Variants in GLG1 observed in about 807,000 individuals in gnomAD.
GLG1 encodes Golgi apparatus protein 1.
GLG1 carries 38 observed loss-of-function variants against 160.5 expected under a neutral mutation model. The ratio of observed to expected loss-of-function variants is 0.24; its 90% CI spans 0.18 to 0.31. The LOEUF (loss-of-function observed/expected upper bound fraction) is 0.31. GLG1 is among the 10% of genes least tolerant of loss of function. GLG1 has a pLI of 1.00. For synonymous variants in GLG1, 644 were observed against 543.4 expected (o/e 1.19, Z -2.57); for missense variants, 1,373 against 1,505.2 (o/e 0.91, Z 1.45).
chr16:74,587,736 C>T (rs769498563), intron 1 of GLG1, among the ~76,000 whole-genome samples: 2 of 152,070 alleles, frequency 1.3e-5, no homozygotes, highest in African/African-American at 2.4e-5. Context: ...CATTGTGGCA[C>T]GTGCCTGTAG....
chr16:74,525,324 T>A (rs922767020), intron 2 of GLG1, among the ~76,000 whole-genome samples: 1 of 152,222 alleles, frequency 6.6e-6, no homozygotes, highest in Non-Finnish European at 1.5e-5. Flanking sequence ...CACCCATCCT[T>A]CCTAATGAGC....
intron 24 of GLG1, among the ~76,000 whole-genome samples, 170 bp from the exon 25 acceptor site, chr16:74,456,925 T>C (rs1425767206): frequency 1.3e-5 from 2 of 152,086 alleles, no homozygotes; most frequent in South Asian, 2.1e-4. Context: ...TGGAGAGAAA[T>C]GATATGTAAC....
At chr16:74,484,234 T>C (rs928939032) in intron 9 of GLG1, among the ~76,000 whole-genome samples, 11 of 152,202 alleles carry the variant, frequency 7.2e-5, no homozygotes, top group Non-Finnish European at 1.3e-4. Context: ...GAGATAAACA[T>C]GGACTATACT....
chr16:74,524,940 G>T (rs2017289133), intron 2 of GLG1, among the ~76,000 whole-genome samples: 1 of 152,066 alleles, frequency 6.6e-6, no homozygotes, highest in Non-Finnish European at 1.5e-5. Context: ...GATCTTTTGA[G>T]TCCAGTTATT....
In GLG1 at chr16:74,606,840, A is replaced by G. The variant is rs1958581594; in HGVS notation, c.255T>C (p.Pro85=). ...CCGGGAAAGGCGGCTGCGGCGGCTG[A>G]GGCTGCTGTTGCTGTTGCTGCTGCT... The part of the protein sequence containing the change: ...QQQQQQQQQQ[P]QPPQPPFPAG... Residue 85 remains proline, a synonymous_variant, in exon 1 of 26, where the codon CCT becomes CCC. Coordinates refer to ENST00000422840, the MANE Select transcript of GLG1 (RefSeq NM_001145667.2). 6.3e-7 allele frequency: 1 copy of G among 1,598,508 alleles called. No individual in the cohort carries two copies. Among genetic ancestry groups the G allele is most frequent in the Non-Finnish European group, 8.5e-7 (1 of 1,172,846 alleles).
chr16:74,483,102 G>T lies in GLG1; in HGVS notation c.1594C>A (p.His532Asn). The T allele has an allele frequency of 6.2e-7, 1 of 1,603,910 alleles. No homozygotes were observed. ...TCTACCATCTTCTCTGTGTATAAAT[G>T]TTCCATCAGGCACGACAAGATCCTA... ...DPMILSCLME[H>N]LYTEKMVEDC... Residue 532 changes from histidine to asparagine, a missense_variant, in exon 10 of 26, where the codon CAT becomes AAT. His to Asn is a moderately conservative substitution (Grantham distance 68). Transcript: ENST00000422840.
chr16:74,555,631 G>C (rs543422181), intron 1 of GLG1, among the ~76,000 whole-genome samples: 9 of 152,024 alleles, frequency 5.9e-5, no homozygotes, highest in Admixed American at 5.9e-4. Flanking sequence ...CAAGGCTACA[G>C]TGAGCTGTGA....
intron 5 of GLG1, among the ~76,000 whole-genome samples, chr16:74,496,210 G>A (rs2016180945): frequency 6.6e-6 from 1 of 152,028 alleles, no homozygotes; most frequent in Admixed American, 6.6e-5. Flanking sequence ...GGAGGCTGCA[G>A]TGAGCCATGA....
At chr16:74,497,811 T>C (rs1188057021) in intron 4 of GLG1, among the ~76,000 whole-genome samples, 1 of 152,204 alleles carries the variant, frequency 6.6e-6, no homozygotes, top group Non-Finnish European at 1.5e-5. Flanking sequence ...TCTTGCTCCT[T>C]TCCCTACTCT....
intron 1 of GLG1, among the ~76,000 whole-genome samples, chr16:74,558,887 T>A (rs2018426370): frequency 6.6e-6 from 1 of 152,208 alleles, no homozygotes; most frequent in African/African-American, 2.4e-5. Flanking sequence ...ATCTTCTTTT[T>A]ACTTTTTATA....
At chr16:74,454,701 T>A (rs868850565) in intron 25 of GLG1, among the ~76,000 whole-genome samples, 36 of 131,532 alleles carry the variant, frequency 2.7e-4, no homozygotes, top group South Asian at 2.5e-3. Context: ...AAAAAAAAAA[T>A]TTTTTTTTTT....
chr16:74,573,801 T>C (rs916706778), intron 1 of GLG1, among the ~76,000 whole-genome samples: 3 of 150,710 alleles, frequency 2.0e-5, no homozygotes, highest in African/African-American at 7.3e-5. Flanking sequence ...CTAGCGTCTT[T>C]TTTTTTTTTT....
In GLG1 at chr16:74,468,934, G is replaced by C. The variant is rs1250474550; in HGVS notation, c.2436+12C>G. 1 of 1,495,160 alleles carries C rather than the reference G, an allele frequency of 6.7e-7. No homozygotes were observed. The highest frequency in any genetic ancestry group is 2.3e-5 in the East Asian group (1 of 44,360). 92.6% of individuals were successfully genotyped at this position (1,495,160 alleles called of 1,614,324 possible). ...ACTGTGGTTTCTGGGAGCAGAGGCT[G>C]GGAGGCATTACCATCTCCAGCTCCT... On this transcript the variant is annotated intron_variant, in intron 17 of 25. Coordinates refer to ENST00000422840, the MANE Select transcript of GLG1 (RefSeq NM_001145667.2).
At chr16:74,465,279 C>A (rs75885802) in intron 19 of GLG1, among the ~76,000 whole-genome samples, 3 of 152,292 alleles carry the variant, frequency 2.0e-5, no homozygotes, top group African/African-American at 7.2e-5. Flanking sequence ...TCTGAATGTG[C>A]CAGATGGATG....
Position 74,459,931 on chromosome 16 carries a change from C to T in GLG1, c.3037-142G>A, listed in dbSNP as rs549092836. 2.1e-3 allele frequency: 1,027 copies of T among 498,380 alleles called. 12 individuals are homozygous for T. Among genetic ancestry groups the T allele is most frequent in the South Asian group, 0.018 (536 of 29,988 alleles). The allele number at this position is 498,380 out of a possible 1,614,324, so 30.9% of individuals were successfully genotyped here. On this transcript the variant is annotated intron_variant, in intron 22 of 25. Coordinates refer to ENST00000422840, the MANE Select transcript of GLG1 (RefSeq NM_001145667.2). ...AGTGCAGTGGTGCGATCTCGGCTCA[C>T]TGCAACCTCTGCCTCCTAGGTTCAA...
chr16:74,606,988 T>C lies in GLG1; in HGVS notation c.107A>G (p.His36Arg). 1 of 1,606,910 alleles carries C rather than the reference T, an allele frequency of 6.2e-7. No individual in the cohort carries two copies. The highest frequency in any genetic ancestry group is 8.5e-7 in the Non-Finnish European group (1 of 1,178,472). The change falls in exon 1 of 26, where the codon CAC becomes CGC. Residue 36 changes from histidine to arginine, a missense_variant. His to Arg is a conservative substitution (Grantham distance 29, BLOSUM62 0). This residue lies in a region of GLG1 where 322 missense variants were observed against 254.6 expected (regional missense o/e 1.26). Transcript: ENST00000422840. ...GGCCCCGGGACCCTGGCCCTGGCTGTGGACGCCCTGGCCGGGGAGTTTCTC... is the reference window on the plus strand; with the variant it reads ...GGCCCCGGGACCCTGGCCCTGGCTGCGGACGCCCTGGCCGGGGAGTTTCTC... ...GAEKLPGQGV[H>R]SQGQGPGANF...
chr16:74,466,728 T>C (rs1372657265), intron 18 of GLG1, among the ~76,000 whole-genome samples: 1 of 152,064 alleles, frequency 6.6e-6, no homozygotes, highest in East Asian at 1.9e-4. Context: ...ATGAGAAAGC[T>C]AGGAAATGAA....
At chr16:74,517,086 A>C (rs980787160) in intron 2 of GLG1, among the ~76,000 whole-genome samples, 7 of 152,230 alleles carry the variant, frequency 4.6e-5, no homozygotes, top group Admixed American at 2.6e-4. Context: ...AAAAAAGTCC[A>C]GGACCAGGTG....
At chr16:74,569,147 G>T (rs1041740897) in intron 1 of GLG1, among the ~76,000 whole-genome samples, 1 of 152,196 alleles carries the variant, frequency 6.6e-6, no homozygotes, top group Admixed American at 6.5e-5. Context: ...TAAGACAAGG[G>T]TGAATCAGAA....
Sources: gnomAD v4.1 joint callset for allele counts (sites outside exome capture counted in the v4.1 genomes callset) on GRCh38, gnomAD v4.1.1 for gene constraint, gnomAD v4.1.1 regional missense constraint, MANE v1.5 for transcripts, NCBI Gene and HGNC (gene_info 2026-07-23, HGNC 2026-07-21) for gene names.